The following CTNND2 variants were observed in gnomAD, a reference collection of about 807,000 sequenced individuals.
CTNND2 encodes catenin delta-2.
In CTNND2, 22 loss-of-function variants were observed where a neutral mutation model predicts 144.4. The ratio of observed to expected loss-of-function variants is 0.15; its 90% confidence interval spans 0.11 to 0.22. CTNND2 has a LOEUF of 0.22. Among genes scored for constraint, CTNND2 ranks in the 10% least tolerant of loss-of-function variants. The probability of loss-of-function intolerance (pLI) is 1.00; values close to 1 mark genes in which losing one functional copy is unlikely to be tolerated. For missense variants in CTNND2, 1,353 were observed against 1,618.8 expected, an observed-to-expected ratio of 0.84 and a Z score of 2.82; for synonymous variants, 751 against 695.6, an observed-to-expected ratio of 1.08 and a Z score of -1.25.
chr5:10,997,158 T>A (rs976879260), intron 18 of CTNND2, among the ~76,000 whole-genome samples: 4 of 152,132 alleles, frequency 2.6e-5, no homozygotes, highest in Admixed American at 2.6e-4. Flanking sequence ...ATGTCTCCAC[T>A]GGAGTTCTGT....
chr5:11,618,434 T>C (rs947307415), intron 2 of CTNND2, among the ~76,000 whole-genome samples: 2 of 152,212 alleles, frequency 1.3e-5, no homozygotes, highest in Admixed American at 6.5e-5. Flanking sequence ...AAAAAACTTC[T>C]GGCCACTTGT....
intron 2 of CTNND2, among the ~76,000 whole-genome samples, chr5:11,625,978 T>C (rs1217026151): frequency 6.6e-6 from 1 of 152,158 alleles, no homozygotes; most frequent in Non-Finnish European, 1.5e-5. Flanking sequence ...ATGAATATAT[T>C]CATTTCACTC....
chr5:11,727,984 A>G (rs1016547632), intron 2 of CTNND2, among the ~76,000 whole-genome samples: 18 of 152,360 alleles, frequency 1.2e-4, no homozygotes, highest in African/African-American at 4.1e-4. Context: ...CTTGTTATAT[A>G]TAGAGTTAAG....
chr5:11,768,062 C>G (rs377630160), intron 1 of CTNND2, among the ~76,000 whole-genome samples: 1 of 151,782 alleles, frequency 6.6e-6, no homozygotes, highest in East Asian at 1.9e-4. Context: ...CCTTATCACA[C>G]TAATTTTTTT....
intron 2 of CTNND2, among the ~76,000 whole-genome samples, chr5:11,602,706 TA>T (rs1047626754): frequency 7.5e-6 from 1 of 133,638 alleles, no homozygotes; most frequent in African/African-American, 3.5e-5. Context: ...ATATATTTCA[TA>T]TATTATATTA....
At chr5:11,129,491 G>A (rs1335378447) in intron 12 of CTNND2, among the ~76,000 whole-genome samples, 18 of 149,362 alleles carry the variant, frequency 1.2e-4, no homozygotes, top group Admixed American at 1.0e-3. Flanking sequence ...TTGGGATGAC[G>A]CACTTTCTGA....
chr5:11,000,729 A>G (rs151125486), intron 18 of CTNND2, among the ~76,000 whole-genome samples: 178 of 152,238 alleles, frequency 1.2e-3, no homozygotes, highest in African/African-American at 3.9e-3. Context: ...TTCTCTCACA[A>G]TTACTGGTAA....
rs780637586 is a variant in CTNND2 at position 11,159,605 on chromosome 5, C to T, written c.2130G>A (p.Gln710=). 3 of 1,612,964 alleles carry T rather than the reference C, an allele frequency of 1.9e-6. No individual in the cohort carries two copies. Among genetic ancestry groups the T allele is most frequent in the Non-Finnish European group, 2.5e-6 (3 of 1,179,574 alleles). ...DDRKIQLHSS[Q]VLRNATGCLR... ...GGCACCCGGTGGCGTTACGCAGCAC[C>T]TGTGATGAATGCAGCTGTATTTTCC... is the stretch of plus-strand genomic sequence containing the variant. Residue 710 remains glutamine (Q), a synonymous_variant, in exon 12 of 22, where the codon CAG becomes CAA. Coordinates refer to ENST00000304623, the MANE Select transcript of CTNND2 (RefSeq NM_001332.4).
At chr5:11,443,109 T>G (rs565368751) in intron 3 of CTNND2, among the ~76,000 whole-genome samples, 1 of 151,368 alleles carries the variant, frequency 6.6e-6, no homozygotes, top group Non-Finnish European at 1.5e-5. Context: ...GAAACTGGTA[T>G]ACAACACAGG....
intron 12 of CTNND2, among the ~76,000 whole-genome samples, chr5:11,152,106 G>A (rs2149754573): frequency 6.6e-6 from 1 of 152,268 alleles, no homozygotes; most frequent in East Asian, 1.9e-4. Context: ...TAAGAGAGAG[G>A]TGGATCAGCC....
intron 3 of CTNND2, among the ~76,000 whole-genome samples, chr5:11,433,088 CA>C (rs201816975): frequency 6.6e-6 from 1 of 151,764 alleles, no homozygotes; most frequent in Non-Finnish European, 1.5e-5. Context: ...ACTAAAAATA[CA>C]AAAAAAATTA....
intron 3 of CTNND2, among the ~76,000 whole-genome samples, chr5:11,530,340 G>T (rs1448001275): frequency 6.6e-6 from 1 of 152,094 alleles, no homozygotes; most frequent in South Asian, 2.1e-4. Context: ...TCAAAGAATG[G>T]ACTTATAGAT....
At chr5:11,815,929 T>A (rs1164707085) in intron 1 of CTNND2, among the ~76,000 whole-genome samples, 1 of 152,022 alleles carries the variant, frequency 6.6e-6, no homozygotes, top group Non-Finnish European at 1.5e-5. Context: ...ACTGATAAGG[T>A]CTCCAAGATA....
chr5:11,500,646 G>T (rs1420729915), intron 3 of CTNND2, among the ~76,000 whole-genome samples: 3 of 152,170 alleles, frequency 2.0e-5, no homozygotes, highest in African/African-American at 7.2e-5. Flanking sequence ...TATTATTGTT[G>T]CTGAAAAATG....
chr5:11,377,055 CTT>C (rs35811459), intron 7 of CTNND2, among the ~76,000 whole-genome samples: 3 of 146,468 alleles, frequency 2.0e-5, no homozygotes, highest in African/African-American at 2.5e-5. Flanking sequence ...TTTTTGTCTC[CTT>C]TTTTTTTTTT....
At chr5:11,096,583 T>A (rs544348415) in intron 15 of CTNND2, among the ~76,000 whole-genome samples, 1 of 152,210 alleles carries the variant, frequency 6.6e-6, no homozygotes, top group Non-Finnish European at 1.5e-5. Context: ...CTTTTACATA[T>A]TTTTCCTATT....
At chr5:11,831,863 A>G (rs1793921953) in intron 1 of CTNND2, among the ~76,000 whole-genome samples, 1 of 152,174 alleles carries the variant, frequency 6.6e-6, no homozygotes, top group Non-Finnish European at 1.5e-5. Context: ...AGTTAATCAT[A>G]GATCTAATGT....
chr5:11,641,818 A>G (rs1196610155), intron 2 of CTNND2, among the ~76,000 whole-genome samples: 1 of 149,138 alleles, frequency 6.7e-6, no homozygotes, highest in African/African-American at 2.5e-5. Flanking sequence ...ATGTACATAC[A>G]TATACGTATA....
intron 18 of CTNND2, among the ~76,000 whole-genome samples, chr5:10,993,333 A>G (rs1247160049): frequency 2.6e-5 from 4 of 152,246 alleles, no homozygotes; most frequent in African/African-American, 9.7e-5. Context: ...AACCGCATAA[A>G]TATATCACAG....
Sources: gnomAD v4.1 joint callset for allele counts (sites outside exome capture counted in the v4.1 genomes callset) on GRCh38, gnomAD v4.1.1 for gene constraint, MANE v1.5 for transcripts, NCBI Gene and HGNC (gene_info 2026-07-23, HGNC 2026-07-21) for gene names.